The following GPM6A variants were observed in gnomAD, a reference collection of about 807,000 sequenced individuals.
GPM6A encodes glycoprotein M6A, also known as neuronal membrane glycoprotein M6-a.
A neutral mutation model predicts 32.1 loss-of-function variants in GPM6A; 7 were observed. That is an observed-to-expected ratio of 0.22 (90% CI 0.12 to 0.41). GPM6A has a LOEUF of 0.41. Ranked by LOEUF, GPM6A falls within the 10% of genes least tolerant of loss-of-function variation. The pLI is 1.00. For synonymous variants in GPM6A, 130 were observed against 123.4 expected, an observed-to-expected ratio of 1.05 and a Z score of -0.35; for missense variants, 235 against 347.2, an observed-to-expected ratio of 0.68 and a Z score of 2.57.
At chr4:175,765,213 C>A (rs1412326796) in intron 1 of GPM6A, among the ~76,000 whole-genome samples, 2 of 152,024 alleles carry the variant, frequency 1.3e-5, no homozygotes, top group South Asian at 2.1e-4. Flanking sequence ...TTCCTCCCTA[C>A]CAATGTAAAG....
At chr4:175,754,814 T>C (rs1732467167) in intron 1 of GPM6A, among the ~76,000 whole-genome samples, 1 of 152,136 alleles carries the variant, frequency 6.6e-6, no homozygotes, top group Non-Finnish European at 1.5e-5. Context: ...CTTCATCTTC[T>C]CAGCTATTTA....
intron 1 of GPM6A, among the ~76,000 whole-genome samples, chr4:175,874,281 A>T (rs1737010609): frequency 6.6e-6 from 1 of 152,226 alleles, no homozygotes; most frequent in Non-Finnish European, 1.5e-5. Flanking sequence ...AGAAAGAAAA[A>T]GTTCCAGGAG....
intron 1 of GPM6A, among the ~76,000 whole-genome samples, chr4:175,965,001 C>T (rs1254520490): frequency 6.6e-6 from 1 of 152,154 alleles, no homozygotes; most frequent in African/African-American, 2.4e-5. Flanking sequence ...AAACACTGCT[C>T]AATCTGCAAT....
intron 1 of GPM6A, among the ~76,000 whole-genome samples, chr4:175,830,709 G>A (rs562326216): frequency 6.6e-6 from 1 of 151,914 alleles, no homozygotes; most frequent in Non-Finnish European, 1.5e-5. Flanking sequence ...AAAATAGAAG[G>A]TTCTTACTAT....
chr4:175,674,802 TCAG>T (rs1743273068), intron 2 of GPM6A, among the ~76,000 whole-genome samples: 1 of 152,120 alleles, frequency 6.6e-6, no homozygotes, highest in Non-Finnish European at 1.5e-5. Context: ...TAATGAATAT[TCAG>T]CAGAATTGGA....
chr4:175,870,767 A>C (rs959080728), intron 1 of GPM6A, among the ~76,000 whole-genome samples: 1 of 152,124 alleles, frequency 6.6e-6, no homozygotes, highest in Admixed American at 6.5e-5. Context: ...TAGACAGCTA[A>C]GTTGGGAGCC....
chr4:175,731,189 T>G (rs1731415193), intron 1 of GPM6A, among the ~76,000 whole-genome samples: 1 of 152,192 alleles, frequency 6.6e-6, no homozygotes, highest in Non-Finnish European at 1.5e-5. Flanking sequence ...AGCTTGGATT[T>G]CAAAACTCTT....
At chr4:175,759,930 A>T (rs931140535) in intron 1 of GPM6A, among the ~76,000 whole-genome samples, 1 of 152,172 alleles carries the variant, frequency 6.6e-6, no homozygotes, top group Non-Finnish European at 1.5e-5. Flanking sequence ...ATGTAATCCT[A>T]GCACTTTGGG....
At chr4:175,714,644 C>G (rs1194300083) in intron 1 of GPM6A, among the ~76,000 whole-genome samples, 3 of 152,092 alleles carry the variant, frequency 2.0e-5, no homozygotes, top group Non-Finnish European at 2.9e-5. Flanking sequence ...TGGTTATTGA[C>G]AGTAGATACT....
chr4:175,895,449 T>C (rs1424983816), intron 1 of GPM6A, among the ~76,000 whole-genome samples: 3 of 152,128 alleles, frequency 2.0e-5, no homozygotes, highest in Non-Finnish European at 2.9e-5. Context: ...TGGAAAAAAC[T>C]AAGAACTTGG....
At chr4:175,816,984 C>T (rs535096296), upstream of GPM6A, among the ~76,000 whole-genome samples, 848 of 152,184 alleles carry the variant, frequency 5.6e-3, 5 homozygotes, top group Non-Finnish European at 8.3e-3. Flanking sequence ...CTCAGCCTCC[C>T]GAGGAGCTGG....
intron 1 of GPM6A, among the ~76,000 whole-genome samples, chr4:175,903,549 A>G (rs1323472877): frequency 6.6e-6 from 1 of 152,184 alleles, no homozygotes; most frequent in African/African-American, 2.4e-5. Flanking sequence ...CAACCAATCA[A>G]CATTAACACC....
intron 3 of GPM6A, among the ~76,000 whole-genome samples, chr4:175,673,037 G>T (rs1743169465): frequency 2.6e-5 from 4 of 152,062 alleles, no homozygotes; most frequent in Non-Finnish European, 1.5e-5. Flanking sequence ...AAATATGTCT[G>T]TCAAGAATGG....
chr4:175,780,790 G>A (rs1275161373), intron 1 of GPM6A, among the ~76,000 whole-genome samples: 1 of 152,094 alleles, frequency 6.6e-6, no homozygotes, highest in Non-Finnish European at 1.5e-5. Flanking sequence ...AGTCCCCAGT[G>A]TGTTCTCTAT....
At chr4:175,696,624 A>G (rs1744596581) in intron 2 of GPM6A, among the ~76,000 whole-genome samples, 1 of 152,206 alleles carries the variant, frequency 6.6e-6, no homozygotes, top group African/African-American at 2.4e-5. Context: ...ATAATCATAC[A>G]TCAATACAAA....
intron 1 of GPM6A, among the ~76,000 whole-genome samples, chr4:175,765,976 T>A (rs1201447820): frequency 6.6e-6 from 1 of 152,156 alleles, no homozygotes; most frequent in Non-Finnish European, 1.5e-5. Context: ...CAAATCACCT[T>A]CCAATACAAA....
At chr4:175,776,587 C>T (rs1487776042) in intron 1 of GPM6A, among the ~76,000 whole-genome samples, 2 of 152,140 alleles carry the variant, frequency 1.3e-5, no homozygotes, top group Admixed American at 6.6e-5. Flanking sequence ...TTAGCAACAA[C>T]GAAGAAGCTG....
At chr4:175,772,457 T>G (rs1733229920) in intron 1 of GPM6A, among the ~76,000 whole-genome samples, 6 of 152,158 alleles carry the variant, frequency 3.9e-5, no homozygotes, top group Admixed American at 3.9e-4. Context: ...ATGTTACCAG[T>G]GTTTCATCCA....
intron 1 of GPM6A, among the ~76,000 whole-genome samples, chr4:175,876,311 A>G (rs1472971357): frequency 6.6e-6 from 1 of 152,212 alleles, no homozygotes; most frequent in African/African-American, 2.4e-5. Flanking sequence ...ACTGTGCTAG[A>G]GGAGTAATAA....
Sources: allele counts gnomAD v4.1 joint callset (sites outside exome capture counted in the v4.1 genomes callset), GRCh38; gene constraint gnomAD v4.1.1; transcripts MANE v1.5; gene names NCBI Gene and HGNC (gene_info 2026-07-23, HGNC 2026-07-21).